The following ALK variants were observed in gnomAD, a reference collection of about 807,000 sequenced individuals.
The protein encoded by ALK is ALK receptor tyrosine kinase.
A neutral mutation model predicts 163.1 loss-of-function variants in ALK; 74 were observed. That is an observed-to-expected ratio of 0.45 (90% CI 0.38 to 0.55). The LOEUF (loss-of-function observed/expected upper bound fraction) is 0.55, where lower values mean the gene tolerates loss of function less well. Ranked by LOEUF, ALK falls within the 20% of genes least tolerant of loss-of-function variation. The pLI, the probability that ALK is intolerant of heterozygous loss-of-function variation, is 0.00. For synonymous variants in ALK, 960 were observed against 843.2 expected (o/e 1.14, Z -2.40); for missense variants, 2,063 against 2,105.3 (o/e 0.98, Z 0.39).
At chr2:29,503,541 C>T (rs781193671) in intron 4 of ALK, among the ~76,000 whole-genome samples, 3 of 152,186 alleles carry the variant, frequency 2.0e-5, no homozygotes, top group Admixed American at 6.5e-5. Flanking sequence ...GCATGGGCAC[C>T]GTACCATGGC....
chr2:29,416,197 C>G (rs572546815), intron 4 of ALK, among the ~76,000 whole-genome samples: 1 of 152,106 alleles, frequency 6.6e-6, no homozygotes, highest in Non-Finnish European at 1.5e-5. Context: ...GACACAGGCC[C>G]GAAGGCTACA....
At chr2:29,279,864 A>C (rs528059246) in intron 9 of ALK, among the ~76,000 whole-genome samples, 182 of 152,334 alleles carry the variant, frequency 1.2e-3, no homozygotes, top group African/African-American at 4.4e-3. Context: ...TAGCTGGGCC[A>C]CTTTGGGATT....
intron 3 of ALK, among the ~76,000 whole-genome samples, chr2:29,539,820 A>G (rs1673365772): frequency 6.6e-6 from 1 of 152,212 alleles, no homozygotes; most frequent in African/African-American, 2.4e-5. Flanking sequence ...TCTAAAGTTA[A>G]GAAAACTTTT....
intron 11 of ALK, among the ~76,000 whole-genome samples, chr2:29,265,499 G>A (rs531876497): frequency 2.0e-5 from 3 of 152,288 alleles, no homozygotes; most frequent in African/African-American, 4.8e-5. Flanking sequence ...CTATTTTGAC[G>A]CTCAGGGAGT....
At chr2:29,900,994 A>C (rs373696930) in intron 1 of ALK, among the ~76,000 whole-genome samples, 8 of 116,084 alleles carry the variant, frequency 6.9e-5, no homozygotes, top group East Asian at 2.1e-4. Flanking sequence ...AGAGAGAGAG[A>C]GAGCAAGCAA....
At chr2:29,513,052 A>G (rs1437380054) in intron 4 of ALK, among the ~76,000 whole-genome samples, 1 of 151,570 alleles carries the variant, frequency 6.6e-6, no homozygotes, top group Non-Finnish European at 1.5e-5. Flanking sequence ...AAGAATCAAT[A>G]TCGTGAAAAT....
intron 3 of ALK, among the ~76,000 whole-genome samples, chr2:29,553,855 T>C (rs906164203): frequency 3.3e-5 from 5 of 152,218 alleles, no homozygotes; most frequent in Non-Finnish European, 5.9e-5. Flanking sequence ...CTTCTCATCT[T>C]TTGTGAATTG....
chr2:29,205,296 T>C (rs1486228434), intron 26 of ALK, among the ~76,000 whole-genome samples: 2 of 151,594 alleles, frequency 1.3e-5, no homozygotes, highest in African/African-American at 4.9e-5. Flanking sequence ...GGCTGTCTGT[T>C]CATATTTTAA....
chr2:29,630,114 A>T (rs528216730), intron 3 of ALK, among the ~76,000 whole-genome samples: 18 of 152,300 alleles, frequency 1.2e-4, no homozygotes, highest in African/African-American at 4.1e-4. Flanking sequence ...TTGACTGGCC[A>T]CATGTGCCTT....
chr2:29,800,091 G>A (rs1056433676), intron 1 of ALK, among the ~76,000 whole-genome samples: 4 of 152,226 alleles, frequency 2.6e-5, no homozygotes, highest in African/African-American at 4.8e-5. Flanking sequence ...ATGACAGTCC[G>A]GAATGAGGAC....
At chr2:29,841,142 A>G (rs1291238606) in intron 1 of ALK, among the ~76,000 whole-genome samples, 2 of 152,204 alleles carry the variant, frequency 1.3e-5, no homozygotes, top group Admixed American at 6.5e-5. Flanking sequence ...AGAAGATTTT[A>G]CCTTAAAAGG....
At chr2:29,850,836 A>G (rs77122294) in intron 1 of ALK, among the ~76,000 whole-genome samples, 1,932 of 152,284 alleles carry the variant, frequency 0.013, 18 homozygotes, top group Middle Eastern at 0.031. Context: ...TCGTCCAGGA[A>G]GCCTGGTCTG....
At chr2:29,213,527 C>CTT (rs1030113432) in intron 24 of ALK, among the ~76,000 whole-genome samples, 12 of 152,124 alleles carry the variant, frequency 7.9e-5, no homozygotes, top group Non-Finnish European at 1.2e-4. Context: ...AGGGGGAAGC[C>CTT]TTAAAGTGAT....
chr2:29,710,682 T>C (rs1005681891), intron 2 of ALK, among the ~76,000 whole-genome samples: 23 of 152,142 alleles, frequency 1.5e-4, no homozygotes, highest in Admixed American at 1.1e-3. Context: ...CAGCTAATTT[T>C]TGTATTTTTA....
chr2:29,589,821 A>C (rs1674996124), intron 3 of ALK, among the ~76,000 whole-genome samples: 1 of 152,264 alleles, frequency 6.6e-6, no homozygotes, highest in African/African-American at 2.4e-5. Context: ...CCTGGCATAA[A>C]GTACTTTCAT....
At chr2:29,546,709 T>C (rs1431332769) in intron 3 of ALK, among the ~76,000 whole-genome samples, 1 of 152,250 alleles carries the variant, frequency 6.6e-6, no homozygotes, top group Non-Finnish European at 1.5e-5. Flanking sequence ...ACATCTTCTA[T>C]GTTACTTTTA....
chr2:29,304,751 A>G (rs184700965), intron 8 of ALK, among the ~76,000 whole-genome samples: 124 of 152,248 alleles, frequency 8.1e-4, no homozygotes, highest in Middle Eastern at 3.4e-3. Context: ...CCAACCACTT[A>G]CCTCCTCTGA....
chr2:29,389,907 A>G (rs1349915435), intron 4 of ALK, among the ~76,000 whole-genome samples: 1 of 152,198 alleles, frequency 6.6e-6, no homozygotes, highest in African/African-American at 2.4e-5. Flanking sequence ...GACCTGGAGG[A>G]TACCTGAGTT....
chr2:29,751,333 C>T (rs1418716272), intron 1 of ALK, among the ~76,000 whole-genome samples: 2 of 152,196 alleles, frequency 1.3e-5, no homozygotes, highest in African/African-American at 2.4e-5. Context: ...TAGGACATTA[C>T]GATGGCTATG....
Sources: allele counts gnomAD v4.1 joint callset (sites outside exome capture counted in the v4.1 genomes callset), GRCh38; gene constraint gnomAD v4.1.1; transcripts MANE v1.5; gene names NCBI Gene and HGNC (gene_info 2026-07-23, HGNC 2026-07-21).